DPP10: variants seen among roughly 807,000 people sequenced by gnomAD.
DPP10 encodes the protein dipeptidyl peptidase like 10, also known as inactive dipeptidyl peptidase 10.
Under a neutral mutation model 120.9 loss-of-function variants are expected in DPP10, and 33 were observed. That is an observed-to-expected ratio of 0.27 (90% CI 0.21 to 0.37). The LOEUF is 0.37. Among genes scored for constraint, DPP10 ranks in the 10% least tolerant of loss-of-function variants. The probability of loss-of-function intolerance (pLI) is 1.00; values close to 1 mark genes in which losing one functional copy is unlikely to be tolerated. For synonymous variants in DPP10, 337 were observed against 326.1 expected, an observed-to-expected ratio of 1.03 and a Z score of -0.36; for missense variants, 816 against 942.8, an observed-to-expected ratio of 0.87 and a Z score of 1.76.
intron 1 of DPP10, among the ~76,000 whole-genome samples, chr2:114,449,134 A>G (rs1284329695): frequency 6.6e-6 from 1 of 152,136 alleles, no homozygotes; most frequent in Non-Finnish European, 1.5e-5. Flanking sequence ...TTGTCCAGAA[A>G]TTGTGCTGGA....
In DPP10 at chr2:115,813,656, C is replaced by T. The variant is rs542197106; in HGVS notation, c.1701-1137C>T. Among the ~76,000 whole-genome samples the T allele has an allele frequency of 1.1e-3, 161 of 152,300 alleles. 1 individual carries two copies. The Middle Eastern group carries it at 0.031, about 29-fold the overall frequency. ...GTTTTGTCTGATTCTCTACTTACTT[C>T]TTTATGTCACTTACAGGATTCCACA... is the stretch of plus-strand genomic sequence containing the variant. On this transcript the variant is annotated intron_variant, in intron 19 of 25. Coordinates refer to ENST00000410059, the MANE Select transcript of DPP10 (RefSeq NM_020868.6).
chr2:114,551,306 GC>G (rs896001398), intron 1 of DPP10, among the ~76,000 whole-genome samples: 51 of 151,996 alleles, frequency 3.4e-4, no homozygotes, highest in Admixed American at 2.9e-3. Context: ...CATGCCCGCT[GC>G]CCCCCTGCCT....
intron 5 of DPP10, among the ~76,000 whole-genome samples, chr2:115,565,764 G>GTTTTTT (rs1558858610): frequency 2.9e-5 from 4 of 139,658 alleles, no homozygotes; most frequent in African/African-American, 1.1e-4. Flanking sequence ...TTTTTTGTTT[G>GTTTTTT]TTTTGTTTTT....
intron 5 of DPP10, among the ~76,000 whole-genome samples, chr2:115,590,128 TC>T (rs1354493852): frequency 2.1e-5 from 3 of 142,580 alleles, no homozygotes; most frequent in South Asian, 2.2e-4. Context: ...TTTTTTTTTT[TC>T]CCCCATATGG....
chr2:114,713,090 G>A (rs1265229924), intron 1 of DPP10, among the ~76,000 whole-genome samples: 9 of 150,994 alleles, frequency 6.0e-5, no homozygotes, highest in East Asian at 5.9e-4. Context: ...GGGTTCAAGC[G>A]ATTCTCCTGC....
At chr2:115,394,001 G>A (rs1249381074) in intron 3 of DPP10, among the ~76,000 whole-genome samples, 2 of 152,156 alleles carry the variant, frequency 1.3e-5, no homozygotes, top group East Asian at 1.9e-4. Flanking sequence ...GAAGATTGGT[G>A]CCATGAAGTG....
intron 1 of DPP10, among the ~76,000 whole-genome samples, chr2:115,022,064 A>T (rs1703114782): frequency 2.0e-5 from 3 of 152,170 alleles, no homozygotes; most frequent in Non-Finnish European, 4.4e-5. Flanking sequence ...CATTATACTG[A>T]ACGGGGAAAA....
At chr2:114,902,109 T>C (rs1693622529) in intron 1 of DPP10, among the ~76,000 whole-genome samples, 1 of 152,204 alleles carries the variant, frequency 6.6e-6, no homozygotes, top group Non-Finnish European at 1.5e-5. Flanking sequence ...CACCATGAAA[T>C]GTTTCTGTTC....
chr2:114,805,798 T>C (rs778461810), intron 1 of DPP10, among the ~76,000 whole-genome samples: 10 of 152,172 alleles, frequency 6.6e-5, no homozygotes, highest in Non-Finnish European at 1.0e-4. Flanking sequence ...CAAGGACAAT[T>C]AAATGCTTGA....
chr2:114,517,990 A>T (rs1684742342), intron 1 of DPP10, among the ~76,000 whole-genome samples: 1 of 151,832 alleles, frequency 6.6e-6, no homozygotes, highest in Non-Finnish European at 1.5e-5. Context: ...CTTCCTCAAC[A>T]TATTGTTTAA....
intron 5 of DPP10, among the ~76,000 whole-genome samples, chr2:115,613,913 A>G (rs772572237): frequency 3.9e-5 from 6 of 152,198 alleles, no homozygotes; most frequent in Non-Finnish European, 8.8e-5. Flanking sequence ...GCACTGGAGA[A>G]TACTTAACTG....
intron 1 of DPP10, among the ~76,000 whole-genome samples, chr2:115,189,179 G>T (rs767668400): frequency 2.2e-4 from 34 of 152,228 alleles, no homozygotes; most frequent in Non-Finnish European, 3.8e-4. Context: ...CTGAACAAGG[G>T]AGGGGAAGGC....
At chr2:114,481,321 TAAC>T (rs59349101) in intron 1 of DPP10, among the ~76,000 whole-genome samples, 21,255 of 152,054 alleles carry the variant, frequency 0.14, 1,614 homozygotes, top group South Asian at 0.24. Context: ...AAAAAATCTT[TAAC>T]ATCATTAGCT....
chr2:115,567,043 C>T (rs1440513254), intron 5 of DPP10, among the ~76,000 whole-genome samples: 3 of 151,964 alleles, frequency 2.0e-5, no homozygotes, highest in Non-Finnish European at 2.9e-5. Flanking sequence ...AGCAAACCGA[C>T]TCATTACATT....
At chr2:114,903,655 C>A (rs1693759108) in intron 1 of DPP10, among the ~76,000 whole-genome samples, 1 of 152,144 alleles carries the variant, frequency 6.6e-6, no homozygotes, top group Non-Finnish European at 1.5e-5. Context: ...ACCTTTGTCT[C>A]CACAAAATTA....
At chr2:115,067,070 C>T (rs912302822) in intron 1 of DPP10, among the ~76,000 whole-genome samples, 8 of 152,178 alleles carry the variant, frequency 5.3e-5, no homozygotes, top group African/African-American at 1.9e-4. Flanking sequence ...TTTTCCCTCA[C>T]TCTCAAGACA....
chr2:114,795,857 A>G (rs938452222), intron 1 of DPP10, among the ~76,000 whole-genome samples: 5 of 152,204 alleles, frequency 3.3e-5, no homozygotes, highest in African/African-American at 1.2e-4. Flanking sequence ...AAAATTATCA[A>G]AACTCATGGA....
chr2:114,688,070 T>A (rs1699488648), intron 1 of DPP10, among the ~76,000 whole-genome samples: 1 of 152,018 alleles, frequency 6.6e-6, no homozygotes, highest in Non-Finnish European at 1.5e-5. Flanking sequence ...GTGTGAGTCA[T>A]GCTACATCAA....
intron 1 of DPP10, among the ~76,000 whole-genome samples, chr2:115,242,852 A>G (rs2058352598): frequency 6.6e-6 from 1 of 152,078 alleles, no homozygotes; most frequent in African/African-American, 2.4e-5. Context: ...TAATTTTTAA[A>G]TAGTTTAAAA....
Sources: allele counts gnomAD v4.1 joint callset (sites outside exome capture counted in the v4.1 genomes callset), GRCh38; gene constraint gnomAD v4.1.1; transcripts MANE v1.5; gene names NCBI Gene and HGNC (gene_info 2026-07-23, HGNC 2026-07-21).